Variants in LTBP2 observed in about 807,000 individuals in gnomAD.
The protein encoded by LTBP2 is latent-transforming growth factor beta-binding protein 2.
LTBP2 carries 103 observed loss-of-function variants against 210.6 expected under a neutral mutation model. The observed-to-expected ratio is 0.49, with a 90% CI of 0.42 to 0.58. The LOEUF (loss-of-function observed/expected upper bound fraction) is 0.58, where lower values mean the gene tolerates loss of function less well. Among genes scored for constraint, LTBP2 ranks in the 20% least tolerant of loss-of-function variants. LTBP2 has a pLI of 0.00. For synonymous variants in LTBP2, 1,007 were observed against 1,015.0 expected (o/e 0.99, Z 0.15); for missense variants, 2,313 against 2,494.5 (o/e 0.93, Z 1.55).
chr14:74,568,154 T>C (rs1407032144), intron 3 of LTBP2, among the ~76,000 whole-genome samples: 2 of 152,182 alleles, frequency 1.3e-5, no homozygotes, highest in African/African-American at 4.8e-5. Context: ...TGTAGCGTGG[T>C]CCCGGTGCTG....
At chr14:74,603,541 G>C in intron 2 of LTBP2, 94 bp downstream of exon 2, 1 of 1,255,724 alleles carries the variant, frequency 8.0e-7, no homozygotes, top group Non-Finnish European at 1.2e-6. Flanking sequence ...CCAGGTTCTG[G>C]AGTACCTAAG....
At chr14:74,511,054 C>T (rs571990781) in intron 19 of LTBP2, among the ~76,000 whole-genome samples, 191 bp downstream of exon 19, 1 of 152,242 alleles carries the variant, frequency 6.6e-6, no homozygotes, top group Non-Finnish European at 1.5e-5. Context: ...AAGGGCCCCA[C>T]CCTAGCTGAT....
intron 2 of LTBP2, among the ~76,000 whole-genome samples, chr14:74,599,997 A>T (rs114572991): frequency 0.017 from 2,661 of 152,270 alleles, 83 homozygotes; most frequent in African/African-American, 0.061. Flanking sequence ...AACATTCCCC[A>T]ACATTGGCAG....
chr14:74,559,987 C>T (rs961380656), intron 3 of LTBP2: 1 of 152,174 alleles, frequency 6.6e-6, no homozygotes, highest in African/African-American at 2.4e-5. Context: ...CAAACTCACC[C>T]AGCACAAGAA....
At chr14:74,555,050 G>T (rs2087711519) in intron 4 of LTBP2, among the ~76,000 whole-genome samples, 1 of 152,038 alleles carries the variant, frequency 6.6e-6, no homozygotes, top group South Asian at 2.1e-4. Flanking sequence ...GGGAGGGGTT[G>T]TCAGGCAATA....
intron 3 of LTBP2, among the ~76,000 whole-genome samples, chr14:74,572,960 A>T (rs1455080126): frequency 3.9e-5 from 6 of 152,372 alleles, no homozygotes; most frequent in Non-Finnish European, 7.3e-5. Context: ...GATGCTATGA[A>T]CATAGCTACA....
intron 17 of LTBP2, among the ~76,000 whole-genome samples, chr14:74,517,784 A>G (rs1026784255): frequency 3.3e-5 from 5 of 152,142 alleles, no homozygotes; most frequent in African/African-American, 1.2e-4. Flanking sequence ...TCACTTTTCC[A>G]AAGTATATTG....
intron 8 of LTBP2, among the ~76,000 whole-genome samples, chr14:74,540,848 T>TATATTATATATATTTA (rs1555350201): frequency 1.5e-5 from 1 of 68,898 alleles, no homozygotes; most frequent in African/African-American, 5.2e-5. Context: ...TTTATATATA[T>TATATTATATATATTTA]TATATATATT....
At position 74,611,843 on chromosome 14, in the gene LTBP2, A is replaced by T; in HGVS notation, c.102T>A (p.His34Gln). 5 of 1,611,344 alleles carry T rather than the reference A, an allele frequency of 3.1e-6. No homozygotes were observed. The highest frequency in any genetic ancestry group is 4.2e-6 in the Non-Finnish European group (5 of 1,179,588). The change falls in exon 1 of 36, where the codon CAT (histidine) becomes CAA (glutamine). Residue 34 changes from histidine to glutamine, a missense_variant. By Grantham distance (24) the His-to-Gln change is conservative. This residue lies in a region of LTBP2 where 1,867 missense variants were observed against 1,976.9 expected (regional missense o/e 0.94). Coordinates refer to ENST00000261978, the MANE Select transcript of LTBP2 (RefSeq NM_000428.3). ...LTLALFVGAG[H>Q]AQRDPVGRYE... Reference sequence around the variant, plus strand: ...ATCTCCCTACGGGGTCCCTTTGGGCATGACCCGCGCCCACGAAGAGAGCCA... The same window carrying T: ...ATCTCCCTACGGGGTCCCTTTGGGCTTGACCCGCGCCCACGAAGAGAGCCA...
intron 4 of LTBP2, among the ~76,000 whole-genome samples, 158 bp from the exon 5 acceptor site, chr14:74,553,220 T>C (rs976507422): frequency 6.6e-6 from 1 of 152,144 alleles, no homozygotes; most frequent in African/African-American, 2.4e-5. Context: ...AGGGGCAAGG[T>C]GATACCTTTG....
At chr14:74,527,089 C>A (rs1349461888) in intron 13 of LTBP2, among the ~76,000 whole-genome samples, 1 of 152,226 alleles carries the variant, frequency 6.6e-6, no homozygotes, top group East Asian at 1.9e-4. Context: ...CTGAAGGGGC[C>A]CCAGCCCATC....
At chr14:74,585,312 G>T (rs113181312) in intron 3 of LTBP2, among the ~76,000 whole-genome samples, 1 of 152,216 alleles carries the variant, frequency 6.6e-6, no homozygotes, top group South Asian at 2.1e-4. Context: ...ACATCACAGG[G>T]ACCACAGGCA....
At chr14:74,514,224 C>T (rs769967772) in intron 18 of LTBP2, among the ~76,000 whole-genome samples, 6 of 152,148 alleles carry the variant, frequency 3.9e-5, no homozygotes, top group Non-Finnish European at 8.8e-5. Flanking sequence ...TCTGAGATTA[C>T]GGTGTGTTTT....
intron 3 of LTBP2, among the ~76,000 whole-genome samples, chr14:74,572,285 GTGTGTGTGTGTGTGTGTGTGTC>G (rs2087989524): frequency 9.2e-6 from 1 of 109,030 alleles, no homozygotes; most frequent in African/African-American, 2.7e-5. Flanking sequence ...CAGAGGTGGG[GTGTGTGTGTGTGTGTGTGTGTC>G]TGTGTGTGTG....
At chr14:74,557,607 TG>T (rs1428935309) in intron 3 of LTBP2, among the ~76,000 whole-genome samples, 1 of 152,216 alleles carries the variant, frequency 6.6e-6, no homozygotes, top group African/African-American at 2.4e-5. Context: ...CTTAACTGCT[TG>T]AATTGTCTCA....
chr14:74,603,610 G>A, intron 2 of LTBP2, 25 bp downstream of exon 2: 8 of 1,613,300 alleles, frequency 5.0e-6, no homozygotes, highest in Non-Finnish European at 6.8e-6. Context: ...AGAGCGGAGT[G>A]TCTGCTACTG....
At chr14:74,561,327 A>T (rs1033364769) in intron 3 of LTBP2, among the ~76,000 whole-genome samples, 1 of 152,184 alleles carries the variant, frequency 6.6e-6, no homozygotes, top group African/African-American at 2.4e-5. Flanking sequence ...CAAAGAAAAA[A>T]AAAGATGCAT....
In LTBP2 at chr14:74,558,716, C is replaced by T. The variant is rs143635042; in HGVS notation, c.831-3023G>A. Among the ~76,000 whole-genome samples, 424 of 152,288 alleles carry T rather than the reference C, an allele frequency of 2.8e-3. 2 individuals carry two copies. The highest frequency in any genetic ancestry group is 3.6e-3 in the Non-Finnish European group (245 of 68,018). On this transcript the variant is annotated intron_variant, in intron 3 of 35. Transcript: ENST00000261978. ...GTTATTGCTGCTGTCAGTTTTTTCT[C>T]TAATTGGTGCTCAGAGCTCATGGCA...
chr14:74,567,197 G>A (rs2139767878), intron 3 of LTBP2, among the ~76,000 whole-genome samples: 1 of 152,322 alleles, frequency 6.6e-6, no homozygotes, highest in Non-Finnish European at 1.5e-5. Flanking sequence ...CAGCCCTGAA[G>A]TAGGTGCTGC....
Sources: gnomAD v4.1 joint callset for allele counts (sites outside exome capture counted in the v4.1 genomes callset) on GRCh38, gnomAD v4.1.1 for gene constraint, gnomAD v4.1.1 regional missense constraint, MANE v1.5 for transcripts, NCBI Gene and HGNC (gene_info 2026-07-23, HGNC 2026-07-21) for gene names.